Variants in CLCN3 observed in about 807,000 individuals in gnomAD.
The protein encoded by CLCN3 is H(+)/Cl(-) exchange transporter 3.
CLCN3 carries 16 observed loss-of-function variants against 83.4 expected under a neutral mutation model. That is an observed-to-expected ratio of 0.19 (90% CI 0.13 to 0.29). The LOEUF is 0.29. Ranked by LOEUF, CLCN3 falls within the 10% of genes least tolerant of loss-of-function variation. The pLI is 1.00. For synonymous variants in CLCN3, 322 were observed against 346.2 expected, an observed-to-expected ratio of 0.93 and a Z score of 0.78; for missense variants, 544 against 1,006.0, an observed-to-expected ratio of 0.54 and a Z score of 6.21.
At chr4:169,664,311 C>T (rs1194936665) in intron 2 of CLCN3, among the ~76,000 whole-genome samples, 4 of 152,162 alleles carry the variant, frequency 2.6e-5, no homozygotes, top group Non-Finnish European at 1.5e-5. Context: ...CATTCATTAG[C>T]TCAGCAGTGT....
chr4:169,667,828 C>T (rs1341246551), intron 2 of CLCN3, among the ~76,000 whole-genome samples: 2 of 151,532 alleles, frequency 1.3e-5, no homozygotes, highest in African/African-American at 2.4e-5. Flanking sequence ...TCACTGCAAC[C>T]TCCACCTCCA....
intron 2 of CLCN3, among the ~76,000 whole-genome samples, chr4:169,649,812 G>A (rs148456550): frequency 1.3e-5 from 2 of 152,282 alleles, no homozygotes; most frequent in East Asian, 3.9e-4. Context: ...GGCTGGGCGC[G>A]GTGGCTCATG....
In CLCN3 at chr4:169,660,675, C is replaced by T. The variant is rs375469854; in HGVS notation, c.161-19375C>T. On this transcript the variant is annotated intron_variant, in intron 2 of 12. Coordinates refer to ENST00000513761, the MANE Select transcript of CLCN3 (RefSeq NM_001829.4). ...TACTGCTTCAGATCACGTCGGGCTCCGACTCCATCTTCTGCATGAAAATCT... is the reference window on the plus strand; with the variant it reads ...TACTGCTTCAGATCACGTCGGGCTCTGACTCCATCTTCTGCATGAAAATCT... Among the ~76,000 whole-genome samples, 5 of 152,150 alleles carry T rather than the reference C, an allele frequency of 3.3e-5. No individual in the cohort carries two copies. The East Asian group carries it at 7.7e-4, about 23-fold the overall frequency.
At chr4:169,698,251 A>C (rs1414403327) in intron 9 of CLCN3, among the ~76,000 whole-genome samples, 2 of 152,072 alleles carry the variant, frequency 1.3e-5, no homozygotes, top group African/African-American at 4.8e-5. Flanking sequence ...ATCCAATTAC[A>C]CTCTTAATTA....
At chr4:169,665,791 C>T (rs533816625) in intron 2 of CLCN3, among the ~76,000 whole-genome samples, 101 of 152,210 alleles carry the variant, frequency 6.6e-4, no homozygotes, top group African/African-American at 2.3e-3. Context: ...ACGAGGATCA[C>T]CATTTCACAT....
intron 3 of CLCN3, among the ~76,000 whole-genome samples, chr4:169,683,276 C>T (rs1208683924): frequency 6.6e-5 from 10 of 152,206 alleles, no homozygotes; most frequent in South Asian, 4.1e-4. Context: ...GGCAGAGGAT[C>T]GCTGGATCCC....
intron 1 of CLCN3, among the ~76,000 whole-genome samples, chr4:169,634,596 T>G (rs555830882): frequency 2.0e-4 from 31 of 152,354 alleles, no homozygotes; most frequent in African/African-American, 7.0e-4. Flanking sequence ...GCGATAACTA[T>G]AAAACATTCA....
chr4:169,686,650 C>T (rs1015541096), intron 3 of CLCN3, among the ~76,000 whole-genome samples: 2 of 152,070 alleles, frequency 1.3e-5, no homozygotes, highest in East Asian at 3.9e-4. Flanking sequence ...CTTCTGACCT[C>T]GTGATCCACC....
At chr4:169,688,066 A>G (rs1379595493) in intron 4 of CLCN3, among the ~76,000 whole-genome samples, 2 of 152,320 alleles carry the variant, frequency 1.3e-5, no homozygotes, top group East Asian at 3.8e-4. Flanking sequence ...ATAAATAGCT[A>G]ATATTTCTTG....
intron 11 of CLCN3, among the ~76,000 whole-genome samples, chr4:169,710,564 C>T (rs1002708909): frequency 6.6e-6 from 1 of 152,080 alleles, no homozygotes; most frequent in African/African-American, 2.4e-5. Context: ...CCACACCTGG[C>T]GAAAAGTGTT....
At chr4:169,624,064 A>G (rs148298552) in intron 1 of CLCN3, among the ~76,000 whole-genome samples, 1 of 152,338 alleles carries the variant, frequency 6.6e-6, no homozygotes, top group African/African-American at 2.4e-5. Flanking sequence ...GGGTACTCTG[A>G]GAACTTGATT....
rs1305788464 is a variant in CLCN3 at position 169,722,870 on chromosome 4, T to C, written c.*2873T>C. 6.6e-6 allele frequency: 1 copy of C among 152,174 alleles called. No homozygotes were observed. The allele number at this position is 152,174 out of a possible 1,614,324, so 9.4% of individuals were successfully genotyped here. A position where few individuals can be genotyped will look rare whatever the true frequency, so the allele number is the denominator to read the frequency against. On this transcript the variant is annotated 3_prime_UTR_variant, in exon 13 of 13. Transcript: ENST00000513761. Reference sequence around the variant, plus strand: ...CTCCTTTTCAACCAAAATAATGAAATAGTGGAGACCATGAAATTGTTGTGC... The same window carrying C: ...CTCCTTTTCAACCAAAATAATGAAACAGTGGAGACCATGAAATTGTTGTGC...
chr4:169,651,489 C>G (rs181767956), intron 2 of CLCN3, among the ~76,000 whole-genome samples: 8 of 152,196 alleles, frequency 5.3e-5, no homozygotes, highest in African/African-American at 1.9e-4. Flanking sequence ...CCTCAGGTAC[C>G]AAAATGCATG....
At chr4:169,687,563 T>C (rs1321425490) in intron 3 of CLCN3, 95 bp from the exon 4 acceptor site, 1 of 729,848 alleles carries the variant, frequency 1.4e-6, no homozygotes. Context: ...GAAATTACTG[T>C]TCTATGTATG....
At chr4:169,665,868 G>A (rs567111944) in intron 2 of CLCN3, among the ~76,000 whole-genome samples, 16 of 152,096 alleles carry the variant, frequency 1.1e-4, no homozygotes, top group African/African-American at 3.4e-4. Flanking sequence ...CATTTTTCAT[G>A]TAAAACTATT....
At chr4:169,623,661 CT>C (rs1027136409) in intron 1 of CLCN3, among the ~76,000 whole-genome samples, 9 of 152,190 alleles carry the variant, frequency 5.9e-5, no homozygotes, top group Middle Eastern at 3.4e-3. Context: ...CTCTCCTTTC[CT>C]TTTTCCCCCT....
intron 9 of CLCN3, among the ~76,000 whole-genome samples, chr4:169,702,384 A>G (rs906620161): frequency 9.2e-5 from 14 of 152,196 alleles, no homozygotes; most frequent in African/African-American, 2.9e-4. Flanking sequence ...CTCCTTGTAC[A>G]TCTCCATCAG....
At chr4:169,662,582 A>G (rs1731095192) in intron 2 of CLCN3, 1 of 152,316 alleles carries the variant, frequency 6.6e-6, no homozygotes, top group African/African-American at 2.4e-5. Context: ...GATAGTGAAG[A>G]GGCAGATAAA....
rs769941553 is a variant in CLCN3 at position 169,690,669 on chromosome 4, T to G, written c.729+17T>G. 1.2e-6 allele frequency: 2 copies of G among 1,601,298 alleles called. No individual in the cohort carries two copies. The highest frequency in any genetic ancestry group is 1.7e-6 in the Non-Finnish European group (2 of 1,173,236). On this transcript the variant is annotated intron_variant, in intron 6 of 12. Transcript: ENST00000513761. ...ATTCCAGAGGTAAGCCAAGTAATAT[T>G]TAGTGTCATTAAACATTATTATGAT...
Sources: gnomAD v4.1 joint callset for allele counts (sites outside exome capture counted in the v4.1 genomes callset) on GRCh38, gnomAD v4.1.1 for gene constraint, MANE v1.5 for transcripts, NCBI Gene and HGNC (gene_info 2026-07-23, HGNC 2026-07-21) for gene names.